The following DNHD1 variants were observed in gnomAD, a reference collection of about 807,000 sequenced individuals.
The protein encoded by DNHD1 is dynein heavy chain domain 1.
A neutral mutation model predicts 458.1 loss-of-function variants in DNHD1; 383 were observed. The observed-to-expected ratio is 0.84, with a 90% CI of 0.77 to 0.91. The LOEUF (loss-of-function observed/expected upper bound fraction) is 0.91. DNHD1 is among the 40% of genes least tolerant of loss of function. The pLI is 0.00. For synonymous variants in DNHD1, 2,203 were observed against 2,376.9 expected (o/e 0.93, Z 2.13); for missense variants, 5,336 against 5,866.1 (o/e 0.91, Z 2.95).
chr11:6,512,506 A>G (rs7479685), intron 7 of DNHD1, among the ~76,000 whole-genome samples: 4,229 of 151,544 alleles, frequency 0.028, 145 homozygotes, highest in African/African-American at 0.083. Flanking sequence ...ACAGGTGTGA[A>G]CCACCGCGCC....
rs1232344361 is a variant in DNHD1, at chr11:6,571,616, C to T, written c.13912-20C>T. ...CTCCCAGCTTCCTAGCCTTGCCTGA[C>T]CAGCTTCTGACGCCCCCAGGTGGAG... On this transcript the variant is annotated intron_variant, in intron 42 of 42. Transcript: ENST00000254579. The surrounding 1 kb of genome is among the most constrained non-coding windows in gnomAD (Gnocchi z 5.0). 1 of 1,535,028 alleles carries T rather than the reference C, an allele frequency of 6.5e-7. No homozygotes were observed. Among genetic ancestry groups the T allele is most frequent in the Non-Finnish European group, 8.8e-7 (1 of 1,137,360 alleles).
chr11:6,570,052 C>T lies in DNHD1; in HGVS notation c.12907C>T (p.Leu4303=). ...LTQVLQTQDQ[L]WASLSNPRAA... ...CCAGGTTCTTCAGACCCAAGACCAG[C>T]TGTGGGCAAGTCTTAGCAATCCCCG... The change falls in exon 40 of 43, where the codon CTG becomes TTG. Residue 4303 remains leucine (L), a synonymous_variant. Transcript: ENST00000254579. The T allele has an allele frequency of 6.2e-7, 1 of 1,613,954 alleles. No homozygotes were observed. The highest frequency in any genetic ancestry group is 8.5e-7 in the Non-Finnish European group (1 of 1,179,874).
chr11:6,500,986 G>A lies in DNHD1; in HGVS notation c.747-1767G>A, dbSNP rs145540014. On this transcript the variant is annotated intron_variant, in intron 3 of 42. Transcript: ENST00000254579. The stretch of plus-strand genomic sequence containing the variant: ...AGAGAGAGAGGGAGTGTAGTTAGGG[G>A]GAAAGCATGTGGGGGGAGTGTTCAA... 4.2e-3 allele frequency among the ~76,000 whole-genome samples: 637 copies of A among 151,816 alleles called. 7 individuals are homozygous for A. The highest frequency in any genetic ancestry group is 0.014 in the African/African-American group (595 of 41,400).
At chr11:6,525,350 A>T (rs1852689331) in intron 10 of DNHD1, among the ~76,000 whole-genome samples, 1 of 152,214 alleles carries the variant, frequency 6.6e-6, no homozygotes, top group Non-Finnish European at 1.5e-5. Flanking sequence ...GTCTCATGGG[A>T]GATGGTTCTA....
Position 6,567,147 on chromosome 11 carries a change from A to G in DNHD1, c.11638A>G (p.Asn3880Asp), listed in dbSNP as rs1853722739. 6.2e-7 allele frequency: 1 copy of G among 1,613,922 alleles called. No individual in the cohort carries two copies. The highest frequency in any genetic ancestry group is 1.3e-5 in the African/African-American group (1 of 74,936). Reference sequence around the variant, plus strand: ...GCCACTTTTCTGTATGAGCCCAGAGAACTGGCTGGCAGTCACTAAGCAGGC... The same window carrying G: ...GCCACTTTTCTGTATGAGCCCAGAGGACTGGCTGGCAGTCACTAAGCAGGC... Reference protein sequence around the residue: ...LLPLFCMSPENWLAVTKQALD... With the variant: ...LLPLFCMSPEDWLAVTKQALD... The change falls in exon 36 of 43, where the codon AAC (asparagine) becomes GAC (aspartate). Residue 3880 changes from asparagine (N) to aspartate (D), a missense_variant. By Grantham distance (23) the Asn-to-Asp change is conservative. This residue lies in a region of DNHD1 where 695 missense variants were observed against 804.2 expected (regional missense o/e 0.86). Coordinates refer to ENST00000254579, the MANE Select transcript of DNHD1 (RefSeq NM_144666.3).
chr11:6,527,221 T>A (rs1486705329), intron 10 of DNHD1, among the ~76,000 whole-genome samples: 2 of 152,150 alleles, frequency 1.3e-5, no homozygotes, highest in African/African-American at 4.8e-5. Context: ...CTTTTTCTTA[T>A]ATGGAGCAGA....
intron 7 of DNHD1, among the ~76,000 whole-genome samples, chr11:6,517,825 T>C (rs1852516416): frequency 6.6e-6 from 1 of 151,966 alleles, no homozygotes; most frequent in Admixed American, 6.6e-5. Context: ...ACACAGGCCA[T>C]AGCACTACTT....
At chr11:6,510,794 T>A (rs4758108) in intron 6 of DNHD1, among the ~76,000 whole-genome samples, 54,165 of 152,082 alleles carry the variant, frequency 0.36, 9,934 homozygotes, top group African/African-American at 0.4. Flanking sequence ...ATGTTTACAG[T>A]TGTGGAGTTC....
Position 6,563,855 on chromosome 11 carries a change from G to A in DNHD1, c.10015G>A (p.Ala3339Thr). ...CTGGGCTGTTCTGCACTATGGGCTGGCGCATTGCCGGGGACTGCCCACGGA... is the reference window on the plus strand; with the variant it reads ...CTGGGCTGTTCTGCACTATGGGCTGACGCATTGCCGGGGACTGCCCACGGA... Reference protein sequence around the residue: ...WLWAVLHYGLAHCRGLPTDLL... With the variant: ...WLWAVLHYGLTHCRGLPTDLL... The change falls in exon 31 of 43, where the codon GCG (alanine) becomes ACG (threonine). Residue 3339 changes from alanine (A) to threonine (T), a missense_variant. Around this residue, in one of 4 missense-constraint regions of DNHD1, gnomAD observed 3,932 missense variants for 4,365.6 expected, o/e 0.90. Transcript: ENST00000254579. 6.4e-7 allele frequency: 1 copy of A among 1,551,674 alleles called. No homozygotes were observed. The highest frequency in any genetic ancestry group is 1.2e-5 in the South Asian group (1 of 84,064).
In DNHD1 at chr11:6,557,741, C is replaced by A; in HGVS notation, c.8446C>A (p.Pro2816Thr). 1 of 1,551,704 alleles carries A rather than the reference C, an allele frequency of 6.4e-7. No homozygotes were observed. The highest frequency in any genetic ancestry group is 8.7e-7 in the Non-Finnish European group (1 of 1,146,992). Residue 2816 changes from proline to threonine, a missense_variant, in exon 25 of 43, where the codon CCC (proline) becomes ACC (threonine). This residue lies in a region of DNHD1 where 3,932 missense variants were observed against 4,365.6 expected (regional missense o/e 0.90). Transcript: ENST00000254579. Reference sequence around the variant, plus strand: ...GTTACTACTACATCCCCAGGAAAAGCCCTCAGACCTGGTCTTCAGTCAGGA... The same window carrying A: ...GTTACTACTACATCCCCAGGAAAAGACCTCAGACCTGGTCTTCAGTCAGGA... ...PVLLLHPQEK[P>T]SDLVFSQELI...
chr11:6,551,467 GA>G (rs1416802560), intron 24 of DNHD1, among the ~76,000 whole-genome samples: 1 of 152,056 alleles, frequency 6.6e-6, no homozygotes, highest in East Asian at 1.9e-4. Context: ...GAACAGAGCA[GA>G]AATCAGTGAA....
rs1306009690 is a variant in DNHD1, at chr11:6,570,697, C to T, written c.13185C>T (p.Cys4395=). The T allele has an allele frequency of 6.2e-7, 1 of 1,611,164 alleles. No homozygotes were observed. The highest frequency in any genetic ancestry group is 1.1e-5 in the South Asian group (1 of 90,422). The change falls in exon 42 of 43, where the codon TGC becomes TGT. Residue 4395 remains cysteine (C), a synonymous_variant. Coordinates refer to ENST00000254579, the MANE Select transcript of DNHD1 (RefSeq NM_144666.3). ...CCTCACCACCTGAACCCCGGCTCTG[C>T]GGACTGAGTGAGGGCCCCCAAGCCT... ...LLPSPPEPRL[C]GLSEGPQAWL... is the part of the protein sequence containing the mutation.
At chr11:6,539,779 C>T in intron 17 of DNHD1, 97 bp from the exon 18 acceptor site, 1 of 1,174,408 alleles carries the variant, frequency 8.5e-7, no homozygotes, top group Non-Finnish European at 1.2e-6. Context: ...AGCCCTGGCC[C>T]TTGAGTTCTG....
At chr11:6,540,160 G>A in intron 18 of DNHD1, 77 bp downstream of exon 18, 1 of 1,294,748 alleles carries the variant, frequency 7.7e-7, no homozygotes, top group Admixed American at 2.1e-5. Context: ...ATCAAGGCCT[G>A]CCAGATCTGA....
chr11:6,520,823 G>A, intron 10 of DNHD1: 1 of 989,848 alleles, frequency 1.0e-6, no homozygotes, highest in Non-Finnish European at 1.2e-6. Flanking sequence ...CCTTATTTAG[G>A]ATACTAATGC....
Position 6,570,009 on chromosome 11 carries a change from G to A in DNHD1, c.12864G>A (p.Trp4288Ter). The A allele has an allele frequency of 6.2e-7, 1 of 1,613,640 alleles. No individual in the cohort carries two copies. The highest frequency in any genetic ancestry group is 1.7e-4 in the Middle Eastern group (1 of 6,060). ...CCTGCTTTCCGCTCCCCTTCTCTAGGAGTCAAGTGACTCTAACCCAGGTTC... is the reference window on the plus strand; with the variant it reads ...CCTGCTTTCCGCTCCCCTTCTCTAGAAGTCAAGTGACTCTAACCCAGGTTC... Reference protein sequence around the residue: ...GTRLQAHRGRWSQVTLTQVLQ... With the variant: ...GTRLQAHRGR Residue 4288 changes from tryptophan (W) to a stop codon, truncating the protein, a stop_gained and splice_region_variant, in exon 40 of 43, where the codon TGG becomes TGA. Coordinates refer to ENST00000254579, the MANE Select transcript of DNHD1 (RefSeq NM_144666.3). LOFTEE classifies it high-confidence loss of function.
chr11:6,542,646 G>A (rs565954889), intron 18 of DNHD1, among the ~76,000 whole-genome samples: 37 of 152,284 alleles, frequency 2.4e-4, no homozygotes, highest in African/African-American at 7.0e-4. Flanking sequence ...ACACCATGAA[G>A]CTGGTGACTT....
At chr11:6,520,484 C>CAT (rs1325862276) in intron 10 of DNHD1, 195 bp downstream of exon 10, 8 of 1,438,866 alleles carry the variant, frequency 5.6e-6, no homozygotes, top group Middle Eastern at 2.6e-4. Context: ...CTCACAAATT[C>CAT]ACGTGGTTAT....
intron 7 of DNHD1, among the ~76,000 whole-genome samples, chr11:6,513,810 G>A (rs918617198): frequency 3.3e-5 from 5 of 151,702 alleles, no homozygotes; most frequent in South Asian, 2.1e-4. Flanking sequence ...ACCAGTTTAC[G>A]TTTCCATCAG....
Sources: gnomAD v4.1 joint callset for allele counts (sites outside exome capture counted in the v4.1 genomes callset) on GRCh38, gnomAD v4.1.1 for gene constraint, gnomAD v4.1.1 regional missense constraint, Gnocchi (gnomAD v3.1) non-coding constraint, MANE v1.5 for transcripts, NCBI Gene and HGNC (gene_info 2026-07-23, HGNC 2026-07-21) for gene names.